The following SGSM3 variants were observed in gnomAD, a reference collection of about 807,000 sequenced individuals.
SGSM3 encodes small G protein signaling modulator 3.
SGSM3 carries 96 observed loss-of-function variants against 100.5 expected under a neutral mutation model. The ratio of observed to expected loss-of-function variants is 0.96; its 90% CI spans 0.81 to 1.13. The LOEUF is 1.13. SGSM3 is among the 50% of genes most tolerant of loss of function. SGSM3 has a pLI of 0.00. For synonymous variants in SGSM3, 483 were observed against 422.8 expected (o/e 1.14, Z -1.75); for missense variants, 1,001 against 1,015.8 (o/e 0.99, Z 0.20).
chr22:40,405,908 G>A lies in SGSM3; in HGVS notation c.814+64G>A, dbSNP rs2051423669. 5.2e-6 allele frequency: 8 copies of A among 1,533,254 alleles called. No homozygotes were observed. In the East Asian group the frequency reaches 1.4e-4, roughly 26 times the overall value. The allele number at this position is 1,533,254 out of a possible 1,614,324, so 95.0% of individuals were successfully genotyped here. A position where few individuals can be genotyped will look rare whatever the true frequency, so the allele number is the denominator to read the frequency against. On this transcript the variant is annotated intron_variant, in intron 8 of 21. Transcript: ENST00000248929. ...TTGGAGGACTCAGGCGGGTGGCCGAGTGGGGATAGGGCACAGCCCCCCAAC... is the reference window on the plus strand; with the variant it reads ...TTGGAGGACTCAGGCGGGTGGCCGAATGGGGATAGGGCACAGCCCCCCAAC...
intron 1 of SGSM3, among the ~76,000 whole-genome samples, chr22:40,377,016 C>G (rs942805949): frequency 6.6e-6 from 1 of 152,192 alleles, no homozygotes; most frequent in Non-Finnish European, 1.5e-5. Flanking sequence ...CCCAGTCATG[C>G]AGCATGTGTG....
Position 40,403,739 on chromosome 22 carries a change from A to G in SGSM3, c.158-508A>G, listed in dbSNP as rs145252945. On this transcript the variant is annotated intron_variant, in intron 4 of 21. Transcript: ENST00000248929. The stretch of plus-strand genomic sequence containing the variant: ...AGCAGAGTGACATGATCTGACTTGC[A>G]TTTTGGAAGGGTCACTGTGGCTGCT... Among the ~76,000 whole-genome samples the G allele has an allele frequency of 5.7e-3, 871 of 152,244 alleles. 5 individuals carry two copies. The highest frequency in any genetic ancestry group is 9.1e-3 in the Non-Finnish European group (620 of 68,010).
At chr22:40,390,395 T>G (rs2049191676) in intron 1 of SGSM3, 1 of 152,196 alleles carries the variant, frequency 6.6e-6, no homozygotes, top group African/African-American at 2.4e-5. Flanking sequence ...ACTTAGCCCC[T>G]GTCAGTGACA....
chr22:40,407,885 G>C lies in SGSM3; in HGVS notation c.1579+42G>C, dbSNP rs763174773. The stretch of plus-strand genomic sequence containing the variant: ...GCTCTTGAGCTGGGAGAGGGAGGAG[G>C]GGGTGGGCACAGAAGACTTGGGTGA... On this transcript the variant is annotated intron_variant, in intron 14 of 21. Transcript: ENST00000248929. The surrounding 1 kb of genome is among the most constrained non-coding windows in gnomAD (Gnocchi z 4.7). The C allele has an allele frequency of 3.2e-6, 5 of 1,575,192 alleles. No individual in the cohort carries two copies. In the Admixed American group the frequency reaches 8.5e-5, roughly 27 times the overall value.
At chr22:40,378,450 C>T (rs941148630) in intron 1 of SGSM3, among the ~76,000 whole-genome samples, 3 of 150,354 alleles carry the variant, frequency 2.0e-5, no homozygotes, top group South Asian at 2.1e-4. Context: ...ATAATATGGC[C>T]GGGCACGGTG....
At chr22:40,379,378 C>T (rs1471175015) in intron 1 of SGSM3, 1 of 152,638 alleles carries the variant, frequency 6.6e-6, no homozygotes, top group African/African-American at 2.4e-5. Context: ...CCCTTACTCG[C>T]TGGTGCCTTT....
chr22:40,407,941 T>C lies in SGSM3; in HGVS notation c.1579+98T>C. ...GCCGCCACCAAGCTGTTCTCCTCTA[T>C]ACACCTGCCTGGCTTGAGGTCCCTG... On this transcript the variant is annotated intron_variant, in intron 14 of 21. Transcript: ENST00000248929. This position sits in a 1 kb window ranked among gnomAD's most constrained non-coding sequence, Gnocchi z 4.7. 1 of 1,453,492 alleles carries C rather than the reference T, an allele frequency of 6.9e-7. No individual in the cohort carries two copies. The highest frequency in any genetic ancestry group is 1.3e-5 in the South Asian group (1 of 79,864). 90.0% of individuals were successfully genotyped at this position (1,453,492 alleles called of 1,614,324 possible).
In SGSM3 at chr22:40,408,146, C is replaced by T. The variant is rs201794307; in HGVS notation, c.1629+26C>T. ...GTGAGGGGGGTGGGCGGGCTAGGCA[C>T]GGCTGGCACCCTTCTAGCCAGGGCC... On this transcript the variant is annotated intron_variant, in intron 15 of 21. Coordinates refer to ENST00000248929, the MANE Select transcript of SGSM3 (RefSeq NM_015705.6). 313 of 1,611,318 alleles carry T rather than the reference C, an allele frequency of 1.9e-4. 1 individual carries two copies. The Admixed American group carries it at 4.5e-3, about 23-fold the overall frequency.
intron 1 of SGSM3, among the ~76,000 whole-genome samples, chr22:40,382,992 C>T (rs538961800): frequency 1.3e-5 from 2 of 152,292 alleles, no homozygotes; most frequent in South Asian, 2.1e-4. Flanking sequence ...TCCTGAAATA[C>T]TATGGAAGGT....
rs2147032730 is a variant in SGSM3 at position 40,409,768 on chromosome 22, TC to T, written c.*13del. The stretch of plus-strand genomic sequence containing the variant: ...GGGATGTGGACGGGTGACCCCCTCC[TC>T]CCCAGCCCAACCTCGGGCCTGCGTC... On this transcript the variant is annotated 3_prime_UTR_variant, in exon 22 of 22. Transcript: ENST00000248929. 1 of 1,603,732 alleles carries T rather than the reference TC, an allele frequency of 6.2e-7. No individual in the cohort carries two copies. Among genetic ancestry groups the T allele is most frequent in the Non-Finnish European group, 8.5e-7 (1 of 1,178,196 alleles).
intron 1 of SGSM3, among the ~76,000 whole-genome samples, chr22:40,391,295 G>C (rs1461025972): frequency 6.6e-6 from 1 of 152,108 alleles, no homozygotes; most frequent in Non-Finnish European, 1.5e-5. Context: ...AGGTGATTCT[G>C]ATACACTCTG....
chr22:40,406,756 C>G (rs1487646409), intron 10 of SGSM3, 94 bp downstream of exon 10: 11 of 1,100,554 alleles, frequency 1.0e-5, no homozygotes, highest in Non-Finnish European at 1.3e-5. Flanking sequence ...GGAAAACAAA[C>G]CAGCCCTTCC....
Position 40,391,435 on chromosome 22 carries a change from C to T in SGSM3, c.-111-9261C>T, listed in dbSNP as rs114639078. Among the ~76,000 whole-genome samples, 402 of 152,178 alleles carry T rather than the reference C, an allele frequency of 2.6e-3. 2 individuals carry two copies. The highest frequency in any genetic ancestry group is 9.2e-3 in the African/African-American group (384 of 41,524). On this transcript the variant is annotated intron_variant, in intron 1 of 21. Coordinates refer to ENST00000248929, the MANE Select transcript of SGSM3 (RefSeq NM_015705.6). ...CCAGCCTAGGCAACATAGTGAGACC[C>T]GGTCTCTACAAAAAAATAAAAGAAA...
chr22:40,386,989 A>C (rs757830097), intron 1 of SGSM3, among the ~76,000 whole-genome samples: 1 of 152,166 alleles, frequency 6.6e-6, no homozygotes, highest in Non-Finnish European at 1.5e-5. Context: ...CCCACTAGAT[A>C]TGTCATCCCA....
chr22:40,407,678 A>G lies in SGSM3; in HGVS notation c.1524+110A>G. The G allele has an allele frequency of 3.8e-6, 6 of 1,583,458 alleles. No homozygotes were observed. ...TCCCTGCCAAGAGCTTCTCTTGTGAAGATGTAGGGGTCTTGGCCTGGCCTA... is the reference window on the plus strand; with the variant it reads ...TCCCTGCCAAGAGCTTCTCTTGTGAGGATGTAGGGGTCTTGGCCTGGCCTA... On this transcript the variant is annotated intron_variant, in intron 13 of 21. Coordinates refer to ENST00000248929, the MANE Select transcript of SGSM3 (RefSeq NM_015705.6). The surrounding 1 kb of genome is among the most constrained non-coding windows in gnomAD (Gnocchi z 4.7).
intron 2 of SGSM3, 40 bp downstream of exon 2, chr22:40,400,853 T>C (rs1569193124): frequency 1.3e-6 from 2 of 1,520,378 alleles, no homozygotes; most frequent in Non-Finnish European, 1.8e-6. Flanking sequence ...GGTTTGAAGC[T>C]CTCACAGAGG....
At chr22:40,401,173 G>A (rs1171453250) in intron 2 of SGSM3, among the ~76,000 whole-genome samples, 1 of 152,184 alleles carries the variant, frequency 6.6e-6, no homozygotes, top group Non-Finnish European at 1.5e-5. Flanking sequence ...GCACGCTTGA[G>A]ATGGGCCAGT....
chr22:40,375,748 C>G (rs780903427), intron 1 of SGSM3, among the ~76,000 whole-genome samples: 21 of 151,536 alleles, frequency 1.4e-4, no homozygotes, highest in Non-Finnish European at 2.8e-4. Context: ...AGCTAACACT[C>G]TAAAGACATG....
At chr22:40,378,870 G>C (rs553587991) in intron 1 of SGSM3, among the ~76,000 whole-genome samples, 1 of 152,118 alleles carries the variant, frequency 6.6e-6, no homozygotes, top group South Asian at 2.1e-4. Context: ...CTTTTTAGAA[G>C]ATTTACCTGC....
Sources: gnomAD v4.1 joint callset for allele counts (sites outside exome capture counted in the v4.1 genomes callset) on GRCh38, gnomAD v4.1.1 for gene constraint, Gnocchi (gnomAD v3.1) non-coding constraint, MANE v1.5 for transcripts, NCBI Gene and HGNC (gene_info 2026-07-23, HGNC 2026-07-21) for gene names.